The following SLAIN2 variants were observed in gnomAD, a reference collection of about 807,000 sequenced individuals.
SLAIN2 encodes SLAIN motif-containing protein 2.
In SLAIN2, 31 loss-of-function variants were observed where a neutral mutation model predicts 56.6. The ratio of observed to expected loss-of-function variants is 0.55; its 90% confidence interval spans 0.41 to 0.74. The LOEUF is 0.74. Among genes scored for constraint, SLAIN2 ranks in the 30% least tolerant of loss-of-function variants. The pLI is 0.00. For synonymous variants in SLAIN2, 317 were observed against 284.9 expected (o/e 1.11, Z -1.13); for missense variants, 777 against 754.2 (o/e 1.03, Z -0.35).
chr4:48,404,497 C>G (rs1447743624), intron 6 of SLAIN2, among the ~76,000 whole-genome samples: 2 of 152,164 alleles, frequency 1.3e-5, no homozygotes, highest in Non-Finnish European at 2.9e-5. Context: ...TTCTGACATA[C>G]ACAGACTTCT....
At position 48,341,690 on chromosome 4, in the gene SLAIN2, C is replaced by T. The variant is rs1158316287; in HGVS notation, c.-50C>T. On this transcript the variant is annotated 5_prime_UTR_variant, in exon 1 of 8. Coordinates refer to ENST00000264313, the MANE Select transcript of SLAIN2 (RefSeq NM_020846.2). The stretch of plus-strand genomic sequence containing the variant: ...CTCTTTCCTCCGTCTCTTTCCCTGT[C>T]GCTGCGAGAGCGAGCGGGCGGCGGA... 4.2e-5 allele frequency: 64 copies of T among 1,514,554 alleles called. No individual in the cohort carries two copies. Among genetic ancestry groups the T allele is most frequent in the Non-Finnish European group, 5.2e-5 (59 of 1,130,874 alleles). The allele number at this position is 1,514,554 out of a possible 1,614,324, so 93.8% of individuals were successfully genotyped here.
At chr4:48,359,667 T>G (rs369255093) in intron 1 of SLAIN2, among the ~76,000 whole-genome samples, 4 of 152,256 alleles carry the variant, frequency 2.6e-5, no homozygotes, top group South Asian at 4.1e-4. Context: ...TTCTTATATT[T>G]GTACATTTCC....
At chr4:48,419,972 T>C (rs1446462657) in intron 6 of SLAIN2, among the ~76,000 whole-genome samples, 153 bp from the exon 7 acceptor site, 1 of 152,214 alleles carries the variant, frequency 6.6e-6, no homozygotes, top group Non-Finnish European at 1.5e-5. Context: ...TTTTTTCTTT[T>C]AGTAGCCCAG....
At chr4:48,388,320 A>AGGAATGTTC (rs1189390604) in intron 6 of SLAIN2, among the ~76,000 whole-genome samples, 2 of 152,318 alleles carry the variant, frequency 1.3e-5, no homozygotes, top group East Asian at 3.8e-4. Flanking sequence ...AATTAAAGGA[A>AGGAATGTTC]GGAATGTTCG....
intron 6 of SLAIN2, among the ~76,000 whole-genome samples, chr4:48,400,559 C>G (rs1716522856): frequency 6.6e-6 from 1 of 151,926 alleles, no homozygotes; most frequent in Non-Finnish European, 1.5e-5. Flanking sequence ...GCCACCACGC[C>G]TAGCTAATTT....
intron 1 of SLAIN2, among the ~76,000 whole-genome samples, chr4:48,362,819 G>C (rs942935339): frequency 5.0e-5 from 5 of 100,668 alleles, no homozygotes; most frequent in African/African-American, 2.0e-4. Flanking sequence ...AGGGGGATTT[G>C]GCAGGGTCAT....
Position 48,341,800 on chromosome 4 carries a change from G to C in SLAIN2, c.61G>C (p.Val21Leu). 1 of 1,533,948 alleles carries C rather than the reference G, an allele frequency of 6.5e-7. No homozygotes were observed. Among genetic ancestry groups the C allele is most frequent in the Non-Finnish European group, 8.8e-7 (1 of 1,140,472 alleles). Reference protein sequence around the residue: ...DQEVRKLQELVKKLEKQNEQL... With the variant: ...DQEVRKLQELLKKLEKQNEQL... ...GGAGGTGCGGAAGCTGCAGGAGCTG[G>C]TGAAGAAGCTGGAGAAGCAGAACGA... Residue 21 changes from valine (V) to leucine (L), a missense_variant, in exon 1 of 8, where the codon GTG becomes CTG. By Grantham distance (32) the Val-to-Leu change is conservative. Coordinates refer to ENST00000264313, the MANE Select transcript of SLAIN2 (RefSeq NM_020846.2).
intron 6 of SLAIN2, among the ~76,000 whole-genome samples, chr4:48,402,426 G>A (rs1287977401): frequency 1.3e-5 from 2 of 151,980 alleles, no homozygotes. Context: ...GTCATTCATC[G>A]GTTTGGCCTT....
chr4:48,417,529 C>G lies in SLAIN2; in HGVS notation c.1361-2596C>G. Reference sequence around the variant, plus strand: ...GCCAGCATCATTCTGATACCAAAGCCGGGCAGAGACACAACCAAAAAAGAG... The same window carrying G: ...GCCAGCATCATTCTGATACCAAAGCGGGGCAGAGACACAACCAAAAAAGAG... On this transcript the variant is annotated intron_variant, in intron 6 of 7. Transcript: ENST00000264313. Among the ~76,000 whole-genome samples, 2 of 71,848 alleles carry G rather than the reference C, an allele frequency of 2.8e-5. 1 individual carries two copies. Among genetic ancestry groups the G allele is most frequent in the Non-Finnish European group, 6.1e-5 (2 of 32,684 alleles). The allele number at this position is 71,848 out of a possible 152,430, so 47.1% of individuals were successfully genotyped here. A position where few individuals can be genotyped will look rare whatever the true frequency, so the allele number is the denominator to read the frequency against.
In SLAIN2 at chr4:48,424,137, A is replaced by G. The variant is rs761463559; in HGVS notation, c.*2060A>G. 5.9e-5 allele frequency: 9 copies of G among 152,150 alleles called. No individual in the cohort carries two copies. The highest frequency in any genetic ancestry group is 1.3e-4 in the Non-Finnish European group (9 of 68,022). The allele number at this position is 152,150 out of a possible 1,614,324, so 9.4% of individuals were successfully genotyped here. A position where few individuals can be genotyped will look rare whatever the true frequency, so the allele number is the denominator to read the frequency against. On this transcript the variant is annotated 3_prime_UTR_variant, in exon 8 of 8. Transcript: ENST00000264313. Reference sequence around the variant, plus strand: ...TTTTAAATGGCTGCATCAGAAAAAAATGTCTATTTTTTTTTATTAAAATAT... The same window carrying G: ...TTTTAAATGGCTGCATCAGAAAAAAGTGTCTATTTTTTTTTATTAAAATAT...
intron 1 of SLAIN2, among the ~76,000 whole-genome samples, chr4:48,367,627 G>A (rs1715553025): frequency 6.6e-6 from 1 of 151,998 alleles, no homozygotes; most frequent in Non-Finnish European, 1.5e-5. Flanking sequence ...TGAGGGATTT[G>A]GGGGTGGGGG....
intron 1 of SLAIN2, among the ~76,000 whole-genome samples, chr4:48,363,894 C>T (rs1045287884): frequency 4.9e-5 from 7 of 143,840 alleles, no homozygotes; most frequent in African/African-American, 1.5e-4. Context: ...CCCCTCACCT[C>T]CCGGACGGCA....
rs561629352 is a variant in SLAIN2 at position 48,423,002 on chromosome 4, A to G, written c.*925A>G. On this transcript the variant is annotated 3_prime_UTR_variant, in exon 8 of 8. Transcript: ENST00000264313. ...AGTGTGTGTCTTTATTCTTGATACA[A>G]CACCACCTCGGTGCTTGCAACCTGG... The G allele has an allele frequency of 6.6e-6, 1 of 152,164 alleles. No homozygotes were observed. Among genetic ancestry groups the G allele is most frequent in the African/African-American group, 2.4e-5 (1 of 41,434 alleles). The allele number at this position is 152,164 out of a possible 1,614,324, so 9.4% of individuals were successfully genotyped here. A position where few individuals can be genotyped will look rare whatever the true frequency, so the allele number is the denominator to read the frequency against.
At chr4:48,415,329 ATG>A (rs1716969262) in intron 6 of SLAIN2, among the ~76,000 whole-genome samples, 1 of 61,952 alleles carries the variant, frequency 1.6e-5, no homozygotes, top group Non-Finnish European at 3.7e-5. Context: ...GCATTTCTTC[ATG>A]TGTTTTTTGG....
chr4:48,388,115 A>G (rs1716146557), intron 6 of SLAIN2, among the ~76,000 whole-genome samples: 2 of 152,136 alleles, frequency 1.3e-5, no homozygotes, highest in Non-Finnish European at 2.9e-5. Flanking sequence ...CTATTTTTAT[A>G]TGCTTATTTG....
rs1292695305 is a variant in SLAIN2, at chr4:48,424,828, ACT to A, written c.*2754_*2755del. The A allele has an allele frequency of 5.9e-5, 9 of 152,026 alleles. No homozygotes were observed. The highest frequency in any genetic ancestry group is 1.9e-4 in the African/African-American group (8 of 41,426). 9.4% of individuals were successfully genotyped at this position (152,026 alleles called of 1,614,324 possible). A position where few individuals can be genotyped will look rare whatever the true frequency, so the allele number is the denominator to read the frequency against. On this transcript the variant is annotated 3_prime_UTR_variant, in exon 8 of 8. Transcript: ENST00000264313. ...ATATGTGGCCCCAGATGTTTGTATAACTCTAGAATGATCTAGACTATGTATGT... is the reference window on the plus strand; with the variant it reads ...ATATGTGGCCCCAGATGTTTGTATAACTAGAATGATCTAGACTATGTATGT...
chr4:48,395,810 C>CTTTTTTTTTTTTTTTTTTTTT lies in SLAIN2; in HGVS notation c.1360+12044_1360+12045insTTTTTTTTTTTTTTTTTTTTT, dbSNP rs10649464. Among the ~76,000 whole-genome samples, 3 of 72,772 alleles carry CTTTTTTTTTTTTTTTTTTTTT rather than the reference C, an allele frequency of 4.1e-5. 1 individual carries two copies. The highest frequency in any genetic ancestry group is 2.0e-4 in the African/African-American group (3 of 14,722). 47.7% of individuals were successfully genotyped at this position (72,772 alleles called of 152,430 possible). A position where few individuals can be genotyped will look rare whatever the true frequency, so the allele number is the denominator to read the frequency against. ...TGTGGACTTATTTGGGAACCTTAGGCTTTTTTTTTTTTTTTTTTGAGACTT... is the reference window on the plus strand; with the variant it reads ...TGTGGACTTATTTGGGAACCTTAGGCTTTTTTTTTTTTTTTTTTTTTTTTTTTTTTTTTTTTTTTGAGACTT... On this transcript the variant is annotated intron_variant, in intron 6 of 7. Transcript: ENST00000264313.
At chr4:48,367,666 A>C (rs1244773484) in intron 1 of SLAIN2, among the ~76,000 whole-genome samples, 1 of 152,036 alleles carries the variant, frequency 6.6e-6, no homozygotes, top group African/African-American at 2.4e-5. Context: ...GTTGGTTTTG[A>C]ATTATTGTTG....
intron 6 of SLAIN2, among the ~76,000 whole-genome samples, chr4:48,408,635 T>C (rs1349121167): frequency 2.0e-5 from 3 of 152,060 alleles, no homozygotes; most frequent in Admixed American, 1.3e-4. Context: ...TGGACAGCTG[T>C]ACAACATGTT....
Sources: allele counts gnomAD v4.1 joint callset (sites outside exome capture counted in the v4.1 genomes callset), GRCh38; gene constraint gnomAD v4.1.1; transcripts MANE v1.5; gene names NCBI Gene and HGNC (gene_info 2026-07-23, HGNC 2026-07-21).